The following ITGA1 variants were observed in gnomAD, a reference collection of about 807,000 sequenced individuals.
The protein encoded by ITGA1 is integrin alpha-1.
In ITGA1, 85 loss-of-function variants were observed where a neutral mutation model predicts 145.9. That is an observed-to-expected ratio of 0.58 (90% CI 0.49 to 0.70). The LOEUF (loss-of-function observed/expected upper bound fraction) is 0.70, where lower values mean the gene tolerates loss of function less well. Among genes scored for constraint, ITGA1 ranks in the 30% least tolerant of loss-of-function variants. ITGA1 has a pLI of 0.00. For missense variants in ITGA1, 1,351 were observed against 1,418.7 expected (o/e 0.95, Z 0.77); for synonymous variants, 520 against 495.3 (o/e 1.05, Z -0.66).
At chr5:52,861,190 T>C (rs557896055) in intron 2 of ITGA1, among the ~76,000 whole-genome samples, 2 of 151,916 alleles carry the variant, frequency 1.3e-5, no homozygotes, top group African/African-American at 2.4e-5. Context: ...CACACATATA[T>C]ATGTATATAC....
intron 6 of ITGA1, among the ~76,000 whole-genome samples, chr5:52,878,147 G>A (rs1226135739): frequency 2.0e-5 from 3 of 152,148 alleles, no homozygotes; most frequent in Non-Finnish European, 4.4e-5. Flanking sequence ...AGCTGAGGAG[G>A]ACGGGGGACT....
intron 26 of ITGA1, among the ~76,000 whole-genome samples, chr5:52,943,855 G>A (rs1328896568): frequency 6.6e-6 from 1 of 152,182 alleles, no homozygotes; most frequent in Non-Finnish European, 1.5e-5. Context: ...TGGGTCTCCA[G>A]GACACCCCGC....
chr5:52,929,813 A>G, intron 21 of ITGA1, 112 bp downstream of exon 21: 1 of 569,634 alleles, frequency 1.8e-6, no homozygotes, highest in Non-Finnish European at 3.1e-6. Context: ...GTTGTAGGAG[A>G]TCAGTAGAAG....
chr5:52,823,431 C>G (rs1423830934), intron 1 of ITGA1, among the ~76,000 whole-genome samples: 1 of 152,144 alleles, frequency 6.6e-6, no homozygotes, highest in African/African-American at 2.4e-5. Flanking sequence ...GTCTCAAACT[C>G]CTGGCCTTAA....
At chr5:52,884,842 T>C (rs1750022046) in intron 7 of ITGA1, among the ~76,000 whole-genome samples, 1 of 152,254 alleles carries the variant, frequency 6.6e-6, no homozygotes, top group South Asian at 2.1e-4. Flanking sequence ...CTGCATGTTC[T>C]AGAATTCAAT....
intron 2 of ITGA1, among the ~76,000 whole-genome samples, chr5:52,850,615 G>T (rs1749416992): frequency 6.6e-6 from 1 of 151,968 alleles, no homozygotes; most frequent in Non-Finnish European, 1.5e-5. Flanking sequence ...TTTAGACTTG[G>T]TTAATTTGAT....
At chr5:52,917,520 A>G (rs1315545976) in intron 15 of ITGA1, among the ~76,000 whole-genome samples, 1 of 151,388 alleles carries the variant, frequency 6.6e-6, no homozygotes, top group Non-Finnish European at 1.5e-5. Context: ...GATGGGATTG[A>G]ATGCATAGAT....
At chr5:52,800,560 G>T in intron 1 of ITGA1, 1 of 1,613,784 alleles carries the variant, frequency 6.2e-7, no homozygotes, top group East Asian at 2.2e-5. Context: ...CACGGGCAGC[G>T]TGGGCAGCAA....
At chr5:52,864,302 C>T (rs1183593752) in intron 3 of ITGA1, among the ~76,000 whole-genome samples, 1 of 152,106 alleles carries the variant, frequency 6.6e-6, no homozygotes, top group African/African-American at 2.4e-5. Context: ...AAAGGATGTC[C>T]TCATGATTTT....
rs545532792 is a variant in ITGA1, at chr5:52,854,232, A to G, written c.182+4747A>G. Among the ~76,000 whole-genome samples, 6 of 152,302 alleles carry G rather than the reference A, an allele frequency of 3.9e-5. No homozygotes were observed. In the South Asian group the frequency reaches 8.3e-4, roughly 21 times the overall value. On this transcript the variant is annotated intron_variant, in intron 2 of 28. Transcript: ENST00000282588. Reference sequence around the variant, plus strand: ...GGGTACCAATGGGCTCATGTGATTGATGCCCTATTTCCAATAAGTCTGTGT... The same window carrying G: ...GGGTACCAATGGGCTCATGTGATTGGTGCCCTATTTCCAATAAGTCTGTGT...
At chr5:52,893,913 A>T in intron 9 of ITGA1, 73 bp downstream of exon 9, 1 of 1,114,474 alleles carries the variant, frequency 9.0e-7, no homozygotes. Flanking sequence ...TTTTGTATTT[A>T]TTCCTAATAC....
intron 27 of ITGA1, among the ~76,000 whole-genome samples, chr5:52,946,373 T>C (rs191891004): frequency 1.5e-3 from 228 of 152,304 alleles, no homozygotes; most frequent in African/African-American, 5.1e-3. Flanking sequence ...ATCTGTGTTT[T>C]GTTTTGTTTT....
chr5:52,834,057 C>A (rs72756561), intron 1 of ITGA1, among the ~76,000 whole-genome samples: 19,553 of 152,144 alleles, frequency 0.13, 1,319 homozygotes, highest in Admixed American at 0.18. Flanking sequence ...GAACAATGTA[C>A]AATAACACAT....
chr5:52,801,804 T>C, intron 1 of ITGA1: 1 of 1,612,826 alleles, frequency 6.2e-7, no homozygotes, highest in Non-Finnish European at 8.5e-7. Flanking sequence ...CCGAACTTTC[T>C]GACCAAGAGG....
At chr5:52,942,504 A>G (rs1751068413) in intron 26 of ITGA1, among the ~76,000 whole-genome samples, 1 of 147,486 alleles carries the variant, frequency 6.8e-6, no homozygotes, top group Admixed American at 6.7e-5. Context: ...TGGATATTTC[A>G]GTGTTTTTTG....
At chr5:52,836,642 C>T (rs1056757999) in intron 1 of ITGA1, among the ~76,000 whole-genome samples, 1 of 151,938 alleles carries the variant, frequency 6.6e-6, no homozygotes, top group African/African-American at 2.4e-5. Flanking sequence ...CTACTTGTGC[C>T]TTCTCAGATC....
intron 1 of ITGA1, among the ~76,000 whole-genome samples, chr5:52,817,847 G>A (rs551118263): frequency 3.3e-5 from 5 of 152,276 alleles, no homozygotes; most frequent in African/African-American, 9.6e-5. Flanking sequence ...TTTAGAGCAT[G>A]AGCAGACAAC....
At chr5:52,882,043 CTAAAG>C in intron 7 of ITGA1, 22 bp downstream of exon 7, 1 of 1,531,966 alleles carries the variant, frequency 6.5e-7, no homozygotes, top group Middle Eastern at 1.7e-4. Context: ...AAAAAATAAA[CTAAAG>C]TAAAAGACTG....
intron 6 of ITGA1, among the ~76,000 whole-genome samples, chr5:52,871,352 A>G (rs956490528): frequency 6.6e-6 from 1 of 152,212 alleles, no homozygotes; most frequent in African/African-American, 2.4e-5. Context: ...TTATCTTTCC[A>G]TCTAGGGATA....
Sources: allele counts gnomAD v4.1 joint callset (sites outside exome capture counted in the v4.1 genomes callset), GRCh38; gene constraint gnomAD v4.1.1; transcripts MANE v1.5; gene names NCBI Gene and HGNC (gene_info 2026-07-23, HGNC 2026-07-21).